CTDP1: variants seen among roughly 807,000 people sequenced by gnomAD.
The protein encoded by CTDP1 is RNA polymerase II subunit A C-terminal domain phosphatase.
CTDP1 carries 47 observed loss-of-function variants against 91.8 expected under a neutral mutation model. That is an observed-to-expected ratio of 0.51 (90% confidence interval 0.41 to 0.65). The LOEUF (loss-of-function observed/expected upper bound fraction) is 0.65, where lower values mean the gene tolerates loss of function less well. CTDP1 is among the 30% of genes least tolerant of loss of function. The probability of loss-of-function intolerance (pLI) is 0.00; values close to 1 mark genes in which losing one functional copy is unlikely to be tolerated. For missense variants in CTDP1, 1,272 were observed against 1,373.7 expected, an observed-to-expected ratio of 0.93 and a Z score of 1.17; for synonymous variants, 656 against 598.5, an observed-to-expected ratio of 1.10 and a Z score of -1.40.
chr18:79,725,358 GGA>G (rs2086425087), intron 10 of CTDP1, among the ~76,000 whole-genome samples: 1 of 152,120 alleles, frequency 6.6e-6, no homozygotes, highest in Non-Finnish European at 1.5e-5. Flanking sequence ...CACATATTCG[GGA>G]GAATTCTCCA....
chr18:79,699,252 A>G (rs944998322), intron 4 of CTDP1, among the ~76,000 whole-genome samples: 1 of 151,822 alleles, frequency 6.6e-6, no homozygotes, highest in African/African-American at 2.4e-5. Context: ...TACTCTACTC[A>G]CTAAGGTTTT....
At chr18:79,705,659 A>G (rs1439842230) in intron 5 of CTDP1, among the ~76,000 whole-genome samples, 3 of 152,314 alleles carry the variant, frequency 2.0e-5, no homozygotes, top group East Asian at 1.9e-4. Context: ...TCTGTCCCAC[A>G]TGGATGTAGG....
At chr18:79,751,936 A>G (rs1599331326) in intron 12 of CTDP1, among the ~76,000 whole-genome samples, 1 of 152,244 alleles carries the variant, frequency 6.6e-6, no homozygotes, top group African/African-American at 2.4e-5. Context: ...GAAGGCTAGT[A>G]TGGCTCAGTT....
chr18:79,712,200 A>G (rs1043857730), intron 6 of CTDP1, among the ~76,000 whole-genome samples: 2 of 152,186 alleles, frequency 1.3e-5, no homozygotes, highest in African/African-American at 4.8e-5. Flanking sequence ...CATGCCCAGG[A>G]TAGGCCCCAG....
intron 2 of CTDP1, among the ~76,000 whole-genome samples, chr18:79,695,746 A>G (rs1423576698): frequency 6.6e-6 from 1 of 152,176 alleles, no homozygotes; most frequent in Admixed American, 6.5e-5. Context: ...GTTTGTTTTC[A>G]TGAAGGACTA....
chr18:79,719,042 G>A (rs1361141843), intron 10 of CTDP1, among the ~76,000 whole-genome samples: 2 of 152,220 alleles, frequency 1.3e-5, no homozygotes, highest in Admixed American at 6.5e-5. Context: ...TGGCCAGGGC[G>A]TGGCCTTCGC....
At chr18:79,695,172 T>C in intron 1 of CTDP1, 53 bp from the exon 2 acceptor site, 1 of 1,560,704 alleles carries the variant, frequency 6.4e-7, no homozygotes, top group Non-Finnish European at 8.8e-7. Flanking sequence ...TTGGGGGCTC[T>C]TTTGATAAAC....
rs1339720717 is a variant in CTDP1 at position 79,714,787 on chromosome 18, C to T, written c.1327C>T (p.Gln443Ter). 6.2e-7 allele frequency: 1 copy of T among 1,603,768 alleles called. No individual in the cohort carries two copies. Among genetic ancestry groups the T allele is most frequent in the Non-Finnish European group, 8.5e-7 (1 of 1,176,372 alleles). Residue 443 changes from glutamine to a stop codon, truncating the protein, a stop_gained, in exon 8 of 13, where the codon CAG (glutamine) becomes TAG (stop). Transcript: ENST00000613122. LOFTEE classifies it high-confidence loss of function. ...GGTGGCACCGGGACAGCGGCCTGCCCAGGGTGCCACGGGCACTGACCTGGA... is the reference window on the plus strand; with the variant it reads ...GGTGGCACCGGGACAGCGGCCTGCCTAGGGTGCCACGGGCACTGACCTGGA... ...GRVAPGQRPAQGATGTDLDFD... is the reference protein window; with the variant it reads ...GRVAPGQRPA
chr18:79,718,170 C>T (rs1284407760), intron 10 of CTDP1, among the ~76,000 whole-genome samples, 154 bp downstream of exon 10: 4 of 152,222 alleles, frequency 2.6e-5, no homozygotes, highest in Non-Finnish European at 1.5e-5. Context: ...AGCGCCGCCC[C>T]CGCTTGCAGT....
chr18:79,678,834 C>T (rs1046004241), upstream of CTDP1: 15 of 154,448 alleles, frequency 9.7e-5, no homozygotes, highest in African/African-American at 3.6e-4. Context: ...AGCCACCGCG[C>T]CTGGCTAAGT....
intron 3 of CTDP1, 37 bp downstream of exon 3, chr18:79,696,107 G>C: frequency 6.3e-7 from 1 of 1,584,212 alleles, no homozygotes; most frequent in Admixed American, 1.7e-5. Context: ...TTGGGGAAGC[G>C]TGGTGCTCTG....
At chr18:79,735,170 G>A (rs890942642) in intron 11 of CTDP1, among the ~76,000 whole-genome samples, 11 of 152,230 alleles carry the variant, frequency 7.2e-5, no homozygotes, top group Admixed American at 4.6e-4. Context: ...TCCGAACCGC[G>A]CCTGTCTCGG....
chr18:79,681,253 G>C (rs1371462096), intron 1 of CTDP1, among the ~76,000 whole-genome samples: 1 of 152,238 alleles, frequency 6.6e-6, no homozygotes, highest in Non-Finnish European at 1.5e-5. Flanking sequence ...TTTGGAGACA[G>C]AGCCTGGGTC....
chr18:79,729,472 C>T lies in CTDP1; in HGVS notation c.2580+403C>T, dbSNP rs556240549. ...TCAACACCCCCTGCCTGACGCCGACCGGCCCCCATTGAGAAACGCTGGAGG... is the reference window on the plus strand; with the variant it reads ...TCAACACCCCCTGCCTGACGCCGACTGGCCCCCATTGAGAAACGCTGGAGG... On this transcript the variant is annotated intron_variant, in intron 11 of 12. Transcript: ENST00000613122. Among the ~76,000 whole-genome samples, 260 of 152,348 alleles carry T rather than the reference C, an allele frequency of 1.7e-3. 1 individual carries two copies. The highest frequency in any genetic ancestry group is 2.7e-3 in the Admixed American group (42 of 15,312).
At chr18:79,734,249 G>A (rs2086623485) in intron 11 of CTDP1, among the ~76,000 whole-genome samples, 1 of 152,218 alleles carries the variant, frequency 6.6e-6, no homozygotes, top group African/African-American at 2.4e-5. Flanking sequence ...GGCTCATCTG[G>A]ACGTGACCCC....
At chr18:79,699,128 A>G (rs374672799) in intron 4 of CTDP1, among the ~76,000 whole-genome samples, 25 of 152,124 alleles carry the variant, frequency 1.6e-4, no homozygotes, top group African/African-American at 5.5e-4. Context: ...AACAGCTTCT[A>G]TTTCTGGCTG....
At chr18:79,685,899 T>G (rs1181737439) in intron 1 of CTDP1, among the ~76,000 whole-genome samples, 1 of 152,256 alleles carries the variant, frequency 6.6e-6, no homozygotes, top group Non-Finnish European at 1.5e-5. Flanking sequence ...TTTAGAATAC[T>G]TTTATTCTTC....
At chr18:79,702,478 A>G (rs2085880634) in intron 4 of CTDP1, among the ~76,000 whole-genome samples, 1 of 152,102 alleles carries the variant, frequency 6.6e-6, no homozygotes, top group South Asian at 2.1e-4. Context: ...GGTTCAAGCC[A>G]TTCTTGTGCC....
chr18:79,684,944 G>A (rs570648525), intron 1 of CTDP1, among the ~76,000 whole-genome samples: 132 of 144,158 alleles, frequency 9.2e-4, no homozygotes, highest in African/African-American at 3.0e-3. Flanking sequence ...CAGGGACCTC[G>A]TGGTCTCTAC....
Sources: gnomAD v4.1 joint callset for allele counts (sites outside exome capture counted in the v4.1 genomes callset) on GRCh38, gnomAD v4.1.1 for gene constraint, MANE v1.5 for transcripts, NCBI Gene and HGNC (gene_info 2026-07-23, HGNC 2026-07-21) for gene names.